Variants in KIF6 observed in about 807,000 individuals in gnomAD.
KIF6 encodes kinesin family member 6, also known as kinesin-like protein KIF6.
A neutral mutation model predicts 112.7 loss-of-function variants in KIF6; 106 were observed. The ratio of observed to expected loss-of-function variants is 0.94; its 90% CI spans 0.80 to 1.11. The LOEUF is 1.11. Among genes scored for constraint, KIF6 ranks in the 50% least tolerant of loss-of-function variants. The pLI is 0.00. For synonymous variants in KIF6, 339 were observed against 339.9 expected (o/e 1.00, Z 0.03); for missense variants, 929 against 964.0 (o/e 0.96, Z 0.48).
intron 4 of KIF6, among the ~76,000 whole-genome samples, chr6:39,638,694 T>C (rs1037259881): frequency 2.0e-5 from 3 of 152,044 alleles, no homozygotes; most frequent in African/African-American, 7.2e-5. Flanking sequence ...AATTTTGGAG[T>C]GACTGTTATA....
chr6:39,523,361 C>T (rs11968279), intron 13 of KIF6, among the ~76,000 whole-genome samples: 6,500 of 152,000 alleles, frequency 0.043, 299 homozygotes, highest in East Asian at 0.26. Flanking sequence ...AGAAATATGG[C>T]CATGCTACTT....
intron 13 of KIF6, among the ~76,000 whole-genome samples, chr6:39,507,557 C>T (rs1308043103): frequency 2.6e-5 from 4 of 151,906 alleles, no homozygotes; most frequent in African/African-American, 9.7e-5. Context: ...GTTTTTTCCC[C>T]ACAAGGCCAT....
chr6:39,410,041 G>C (rs760108141), intron 15 of KIF6, among the ~76,000 whole-genome samples: 1 of 152,190 alleles, frequency 6.6e-6, no homozygotes, highest in African/African-American at 2.4e-5. Context: ...GTTCCTGCTG[G>C]TATATTTAAA....
intron 13 of KIF6, among the ~76,000 whole-genome samples, chr6:39,469,575 AACTTTT>A (rs1162787261): frequency 2.6e-5 from 4 of 152,186 alleles, no homozygotes; most frequent in African/African-American, 7.2e-5. Flanking sequence ...GAACTTTTAA[AACTTTT>A]ACTTTAAATT....
chr6:39,639,514 A>C (rs1784798191), intron 4 of KIF6, 96 bp downstream of exon 4: 2 of 1,006,590 alleles, frequency 2.0e-6, no homozygotes, highest in Non-Finnish European at 2.8e-6. Flanking sequence ...TATCATTTAG[A>C]CACAATAAAA....
chr6:39,425,627 A>T (rs768301926), intron 14 of KIF6, among the ~76,000 whole-genome samples: 1 of 151,452 alleles, frequency 6.6e-6, no homozygotes, highest in South Asian at 2.1e-4. Flanking sequence ...TCTCAAAGTC[A>T]ATTTCAAATT....
At chr6:39,581,604 T>C (rs146864761) in intron 9 of KIF6, among the ~76,000 whole-genome samples, 60 of 152,318 alleles carry the variant, frequency 3.9e-4, no homozygotes, top group Non-Finnish European at 6.9e-4. Flanking sequence ...GTTTTACCTA[T>C]AGTCCATTTG....
intron 10 of KIF6, among the ~76,000 whole-genome samples, chr6:39,549,119 G>C (rs546109166): frequency 6.6e-5 from 10 of 152,062 alleles, no homozygotes; most frequent in African/African-American, 2.4e-4. Flanking sequence ...CATCATATTA[G>C]AAATTTTGAT....
chr6:39,441,546 G>T (rs778794805), intron 13 of KIF6, among the ~76,000 whole-genome samples: 1 of 152,150 alleles, frequency 6.6e-6, no homozygotes, highest in African/African-American at 2.4e-5. Flanking sequence ...CATCTGTCAC[G>T]GTTCTGCTGA....
At chr6:39,481,925 T>C (rs115265879) in intron 13 of KIF6, among the ~76,000 whole-genome samples, 53 of 152,122 alleles carry the variant, frequency 3.5e-4, no homozygotes, top group African/African-American at 9.4e-4. Context: ...ACCTCCATGA[T>C]ACTGTCAGTA....
intron 13 of KIF6, among the ~76,000 whole-genome samples, chr6:39,440,934 C>CA (rs1771886142): frequency 6.6e-6 from 1 of 152,128 alleles, no homozygotes; most frequent in South Asian, 2.1e-4. Flanking sequence ...GCCAAGGATG[C>CA]ACTGACACTG....
chr6:39,675,851 G>A (rs976472635), intron 3 of KIF6, among the ~76,000 whole-genome samples: 3 of 151,724 alleles, frequency 2.0e-5, no homozygotes, highest in Non-Finnish European at 4.4e-5. Flanking sequence ...TCAATATAAG[G>A]GTTAAATGGA....
chr6:39,674,215 G>T (rs1033988134), intron 3 of KIF6, among the ~76,000 whole-genome samples: 4 of 152,112 alleles, frequency 2.6e-5, no homozygotes, highest in African/African-American at 7.2e-5. Flanking sequence ...ATTATACAGA[G>T]AAGATATATG....
rs1770036884 is a variant in KIF6, at chr6:39,417,866, T to C, written c.1810+2082A>G. ...ATTTTTTAAGAGCAAAAGTTTATAT[T>C]ATTTCTTAGGGAGAAACAGTTTATA... is the stretch of plus-strand genomic sequence containing the variant. On this transcript the variant is annotated intron_variant, in intron 15 of 22. Transcript: ENST00000287152. 2.0e-5 allele frequency among the ~76,000 whole-genome samples: 3 copies of C among 152,234 alleles called. No individual in the cohort carries two copies. In the South Asian group the frequency reaches 6.2e-4, roughly 31 times the overall value.
chr6:39,520,248 T>C (rs531674340), intron 13 of KIF6, among the ~76,000 whole-genome samples: 2 of 152,320 alleles, frequency 1.3e-5, no homozygotes, highest in South Asian at 4.1e-4. Context: ...AGATAATCAA[T>C]GAATAATTTT....
At chr6:39,454,008 TAGAAATAGAAA>T (rs1444868679) in intron 13 of KIF6, among the ~76,000 whole-genome samples, 1 of 152,028 alleles carries the variant, frequency 6.6e-6, no homozygotes, top group Non-Finnish European at 1.5e-5. Flanking sequence ...AATACAGTAA[TAGAAATAGAAA>T]AGAAATAGAA....
At chr6:39,550,326 C>T (rs1779298803) in intron 10 of KIF6, among the ~76,000 whole-genome samples, 1 of 152,160 alleles carries the variant, frequency 6.6e-6, no homozygotes, top group South Asian at 2.1e-4. Flanking sequence ...GAAACAAGAG[C>T]AAACCTAACC....
intron 3 of KIF6, among the ~76,000 whole-genome samples, chr6:39,661,567 A>G (rs1786149885): frequency 6.6e-6 from 1 of 152,112 alleles, no homozygotes; most frequent in Non-Finnish European, 1.5e-5. Flanking sequence ...TAAGCATCCC[A>G]TTCTACCTAT....
At chr6:39,355,704 C>T (rs937856566) in intron 19 of KIF6, among the ~76,000 whole-genome samples, 3 of 151,888 alleles carry the variant, frequency 2.0e-5, no homozygotes, top group East Asian at 1.9e-4. Flanking sequence ...TCAGGTGATC[C>T]GCCCGTCTCA....
Sources: allele counts gnomAD v4.1 joint callset (sites outside exome capture counted in the v4.1 genomes callset), GRCh38; gene constraint gnomAD v4.1.1; transcripts MANE v1.5; gene names NCBI Gene and HGNC (gene_info 2026-07-23, HGNC 2026-07-21).